Variants in MTSS1 observed in about 807,000 individuals in gnomAD.
The protein encoded by MTSS1 is protein MTSS 1.
Under a neutral mutation model 79.0 loss-of-function variants are expected in MTSS1, and 18 were observed. That is an observed-to-expected ratio of 0.23 (90% CI 0.16 to 0.34). MTSS1 has a LOEUF of 0.34. Among genes scored for constraint, MTSS1 ranks in the 10% least tolerant of loss-of-function variants. The pLI is 1.00. For missense variants in MTSS1, 815 were observed against 986.2 expected (o/e 0.83, Z 2.33); for synonymous variants, 341 against 368.6 (o/e 0.93, Z 0.86).
chr8:124,638,699 A>G (rs1287864219), intron 3 of MTSS1, among the ~76,000 whole-genome samples: 2 of 152,174 alleles, frequency 1.3e-5, no homozygotes, highest in Non-Finnish European at 2.9e-5. Context: ...CTCCCATTTA[A>G]TAACCTAGGG....
intron 6 of MTSS1, among the ~76,000 whole-genome samples, chr8:124,571,944 A>G (rs148865992): frequency 6.6e-6 from 1 of 152,328 alleles, no homozygotes; most frequent in African/African-American, 2.4e-5. Context: ...AGCCTGGGCG[A>G]CAGAGCAAGA....
chr8:124,557,489 G>T (rs1317984557), intron 11 of MTSS1, among the ~76,000 whole-genome samples, 192 bp downstream of exon 11: 1 of 152,220 alleles, frequency 6.6e-6, no homozygotes, highest in Non-Finnish European at 1.5e-5. Flanking sequence ...TGTGGAAATT[G>T]CTGTCTTAGA....
intron 3 of MTSS1, among the ~76,000 whole-genome samples, chr8:124,592,627 A>G (rs1832054208): frequency 6.6e-6 from 1 of 152,220 alleles, no homozygotes; most frequent in African/African-American, 2.4e-5. Flanking sequence ...AGTTTCTACA[A>G]CCAAATAATA....
rs542849805 is a variant in MTSS1 at position 124,653,446 on chromosome 8, G to A, written c.208+46080C>T. On this transcript the variant is annotated intron_variant, in intron 3 of 13. Coordinates refer to ENST00000518547, the MANE Select transcript of MTSS1 (RefSeq NM_014751.6). ...TTTGCTAACTTATAAAAAACAAGCC[G>A]GGCATGGTGGCTCACACCTGTAATC... Among the ~76,000 whole-genome samples the A allele has an allele frequency of 8.5e-5, 13 of 152,320 alleles. No homozygotes were observed. In the South Asian group the frequency reaches 2.1e-3, roughly 24 times the overall value.
rs1356852202 is a variant in MTSS1 at position 124,555,870 on chromosome 8, G to A, written c.1439C>T (p.Ala480Val). The change falls in exon 13 of 14, where the codon GCC becomes GTC. Residue 480 changes from alanine (A) to valine (V), a missense_variant. By Grantham distance (64) the Ala-to-Val change is moderately conservative. Transcript: ENST00000518547. ...CTGCAGGCCCCGAGACAGGGCCAGG[G>A]CCAGCTCCTCACAAGCCTCCATCTC... The part of the protein sequence containing the change: ...GEEMEACEEL[A>V]LALSRGLQLD... The A allele has an allele frequency of 6.2e-7, 1 of 1,611,088 alleles. No individual in the cohort carries two copies. Among genetic ancestry groups the A allele is most frequent in the Non-Finnish European group, 8.5e-7 (1 of 1,179,976 alleles).
At chr8:124,691,461 C>G (rs116770844) in intron 3 of MTSS1, among the ~76,000 whole-genome samples, 7 of 152,124 alleles carry the variant, frequency 4.6e-5, no homozygotes, top group Non-Finnish European at 1.0e-4. Context: ...GATACACATA[C>G]GTACATACAT....
At chr8:124,678,362 G>A (rs1443696935) in intron 3 of MTSS1, among the ~76,000 whole-genome samples, 1 of 152,178 alleles carries the variant, frequency 6.6e-6, no homozygotes, top group African/African-American at 2.4e-5. Context: ...CACCACTTGA[G>A]TGCAGGGTCT....
intron 3 of MTSS1, among the ~76,000 whole-genome samples, chr8:124,623,580 TA>T (rs570404070): frequency 1.1e-4 from 16 of 152,206 alleles, no homozygotes; most frequent in Non-Finnish European, 1.6e-4. Context: ...GCATTTGGCC[TA>T]AAAAAACCAA....
intron 3 of MTSS1, among the ~76,000 whole-genome samples, chr8:124,622,717 C>T (rs902161719): frequency 2.0e-5 from 3 of 147,290 alleles, no homozygotes; most frequent in Admixed American, 6.9e-5. Context: ...CGCTTGAGCC[C>T]GGGTGGTGGA....
intron 9 of MTSS1, chr8:124,563,536 G>C (rs72714721): frequency 0.088 from 14,369 of 162,856 alleles, 844 homozygotes; most frequent in South Asian, 0.24. Flanking sequence ...TCCTAGCTGA[G>C]TCTGGTCAAG....
At chr8:124,558,709 T>C (rs1249059693) in intron 10 of MTSS1, 1 of 1,545,328 alleles carries the variant, frequency 6.5e-7, no homozygotes, top group Non-Finnish European at 8.7e-7. Context: ...ACCCGGGCGG[T>C]CACCTTCTCT....
At chr8:124,688,832 C>G (rs1236210511) in intron 3 of MTSS1, among the ~76,000 whole-genome samples, 2 of 152,084 alleles carry the variant, frequency 1.3e-5, no homozygotes, top group Non-Finnish European at 1.5e-5. Flanking sequence ...GCTAGAATCC[C>G]CAGTCTCCTT....
chr8:124,607,840 C>T (rs1440827605), intron 3 of MTSS1, among the ~76,000 whole-genome samples: 1 of 152,108 alleles, frequency 6.6e-6, no homozygotes, highest in African/African-American at 2.4e-5. Context: ...ATAAAAATGA[C>T]CCCAGGTTAA....
intron 3 of MTSS1, among the ~76,000 whole-genome samples, chr8:124,644,380 T>A (rs1818631190): frequency 6.6e-6 from 1 of 152,244 alleles, no homozygotes; most frequent in Non-Finnish European, 1.5e-5. Flanking sequence ...ATGCTCATTC[T>A]CTAAGAAAGA....
intron 3 of MTSS1, among the ~76,000 whole-genome samples, chr8:124,663,422 T>TC: frequency 6.6e-6 from 1 of 151,762 alleles, no homozygotes; most frequent in Admixed American, 6.6e-5. Context: ...GGCCCTCCCA[T>TC]CCCCCTTCCT....
chr8:124,605,607 C>CCT (rs1329504450), intron 3 of MTSS1, among the ~76,000 whole-genome samples: 24 of 140,528 alleles, frequency 1.7e-4, no homozygotes, highest in Non-Finnish European at 2.2e-4. Flanking sequence ...CCCTCCCTGC[C>CCT]CTCGCGCTGC....
At chr8:124,591,614 T>C (rs1831898242) in intron 3 of MTSS1, among the ~76,000 whole-genome samples, 1 of 152,240 alleles carries the variant, frequency 6.6e-6, no homozygotes, top group Non-Finnish European at 1.5e-5. Flanking sequence ...CAATATAGTA[T>C]CTGCTGTTTA....
At chr8:124,715,290 A>T (rs1831765065) in intron 1 of MTSS1, among the ~76,000 whole-genome samples, 1 of 151,900 alleles carries the variant, frequency 6.6e-6, no homozygotes, top group African/African-American at 2.4e-5. Flanking sequence ...AAATACACAC[A>T]TACCTCTGTA....
intron 1 of MTSS1, among the ~76,000 whole-genome samples, chr8:124,721,316 C>A (rs931784596): frequency 6.6e-6 from 1 of 151,364 alleles, no homozygotes; most frequent in Non-Finnish European, 1.5e-5. Flanking sequence ...AAAATCACAA[C>A]GGACAGAATC....
Sources: gnomAD v4.1 joint callset for allele counts (sites outside exome capture counted in the v4.1 genomes callset) on GRCh38, gnomAD v4.1.1 for gene constraint, MANE v1.5 for transcripts, NCBI Gene and HGNC (gene_info 2026-07-23, HGNC 2026-07-21) for gene names.